Variants in TMEM117 observed in about 807,000 individuals in gnomAD.
The protein encoded by TMEM117 is transmembrane protein 117.
Under a neutral mutation model 52.4 loss-of-function variants are expected in TMEM117, and 27 were observed. The observed-to-expected ratio is 0.51, with a 90% CI of 0.38 to 0.71. The LOEUF (loss-of-function observed/expected upper bound fraction) is 0.71, where lower values mean the gene tolerates loss of function less well. TMEM117 is among the 30% of genes least tolerant of loss of function. TMEM117 has a pLI of 0.00. For synonymous variants in TMEM117, 215 were observed against 206.3 expected (o/e 1.04, Z -0.36); for missense variants, 556 against 630.5 (o/e 0.88, Z 1.26).
At chr12:44,241,513 C>A (rs904842537) in intron 5 of TMEM117, among the ~76,000 whole-genome samples, 1 of 151,824 alleles carries the variant, frequency 6.6e-6, no homozygotes, top group African/African-American at 2.4e-5. Flanking sequence ...TTTATTTTTA[C>A]GTGATCAAAT....
downstream of TMEM117, among the ~76,000 whole-genome samples, chr12:44,391,509 A>G (rs949271340): frequency 6.6e-6 from 1 of 152,084 alleles, no homozygotes; most frequent in African/African-American, 2.4e-5. Flanking sequence ...ATGTCCAAAA[A>G]CACTGCACCA....
the TMEM117 span, among the ~76,000 whole-genome samples, chr12:43,827,243 C>T: frequency 6.6e-6 from 1 of 151,990 alleles, no homozygotes; most frequent in Non-Finnish European, 1.5e-5. Context: ...TTCTTAATAG[C>T]ACGTCTCACA....
intron 5 of TMEM117, among the ~76,000 whole-genome samples, chr12:44,229,301 T>A (rs1360025303): frequency 3.9e-5 from 6 of 152,120 alleles, no homozygotes; most frequent in African/African-American, 1.4e-4. Flanking sequence ...TCAAGGTTTC[T>A]GGTCCCAGCA....
At chr12:44,345,323 A>G (rs554349405) in intron 6 of TMEM117, among the ~76,000 whole-genome samples, 2 of 152,170 alleles carry the variant, frequency 1.3e-5, no homozygotes, top group South Asian at 4.1e-4. Context: ...TTCAGGGCAT[A>G]TTCCCCTCAG....
chr12:43,905,450 T>C (rs544648985), intron 2 of TMEM117, among the ~76,000 whole-genome samples: 1 of 152,358 alleles, frequency 6.6e-6, no homozygotes, highest in East Asian at 1.9e-4. Context: ...ACACCGTGGC[T>C]GAAGACATTC....
chr12:44,289,550 C>CT (rs60675070), intron 5 of TMEM117, among the ~76,000 whole-genome samples: 10,874 of 121,930 alleles, frequency 0.089, 1,072 homozygotes, highest in African/African-American at 0.21. Context: ...TTTCTTTTCT[C>CT]TTTTTTTTTT....
At position 43,944,299 on chromosome 12, in the gene TMEM117, T is replaced by C. The variant is rs1387364008; in HGVS notation, c.367T>C (p.Ser123Pro). Residue 123 changes from serine (S) to proline (P), a missense_variant, in exon 3 of 8, where the codon TCT becomes CCT. Physicochemically the swap from Ser to Pro is moderately conservative, Grantham distance 74. Transcript: ENST00000266534. ...CACAATTCTCTTTCTCTTCATATTTTCTCACATATACAACACGATTCTTCT... is the reference window on the plus strand; with the variant it reads ...CACAATTCTCTTTCTCTTCATATTTCCTCACATATACAACACGATTCTTCT... Reference protein sequence around the residue: ...FSTILFLFIFSHIYNTILLMD... With the variant: ...FSTILFLFIFPHIYNTILLMD... 6.2e-6 allele frequency: 10 copies of C among 1,613,064 alleles called. No individual in the cohort carries two copies. Among genetic ancestry groups the C allele is most frequent in the African/African-American group, 1.3e-5 (1 of 74,910 alleles).
At chr12:44,225,786 C>T (rs1949852747) in intron 5 of TMEM117, among the ~76,000 whole-genome samples, 1 of 152,076 alleles carries the variant, frequency 6.6e-6, no homozygotes, top group Non-Finnish European at 1.5e-5. Flanking sequence ...ATTTTCTGCA[C>T]TATGGAAGTA....
chr12:43,866,990 T>A (rs1445668515), intron 2 of TMEM117, among the ~76,000 whole-genome samples: 3 of 151,834 alleles, frequency 2.0e-5, no homozygotes, highest in Non-Finnish European at 4.4e-5. Context: ...CTTGGGAGGT[T>A]GAAGCAGGAG....
intron 4 of TMEM117, among the ~76,000 whole-genome samples, chr12:44,192,012 C>T (rs531821197): frequency 2.0e-5 from 3 of 152,222 alleles, no homozygotes; most frequent in African/African-American, 7.2e-5. Context: ...AGACCAGAGT[C>T]AGCTTTAAGC....
At chr12:44,327,438 G>A (rs935152184) in intron 6 of TMEM117, among the ~76,000 whole-genome samples, 1 of 152,148 alleles carries the variant, frequency 6.6e-6, no homozygotes, top group African/African-American at 2.4e-5. Context: ...AGATGTTTAT[G>A]ATTCCATTGA....
intron 3 of TMEM117, among the ~76,000 whole-genome samples, chr12:44,016,882 G>A (rs770473997): frequency 2.0e-5 from 3 of 152,194 alleles, no homozygotes; most frequent in African/African-American, 2.4e-5. Flanking sequence ...ACTCAGAAAA[G>A]TGCATTTTAA....
intron 4 of TMEM117, among the ~76,000 whole-genome samples, chr12:44,180,632 C>A (rs1485542289): frequency 6.6e-6 from 1 of 151,342 alleles, no homozygotes; most frequent in Non-Finnish European, 1.5e-5. Flanking sequence ...TGATAGTTTA[C>A]TGAGAATGAT....
At chr12:44,156,418 A>G (rs1167122614) in intron 4 of TMEM117, among the ~76,000 whole-genome samples, 1 of 152,034 alleles carries the variant, frequency 6.6e-6, no homozygotes, top group African/African-American at 2.4e-5. Flanking sequence ...TTTTTACCTG[A>G]ATTTCATAAG....
chr12:44,053,182 A>G (rs866839), intron 3 of TMEM117, among the ~76,000 whole-genome samples: 105,411 of 152,088 alleles, frequency 0.69, 38,645 homozygotes, highest in African/African-American at 0.92. Flanking sequence ...TGGACATCCT[A>G]GGTCCCCATG....
intron 3 of TMEM117, among the ~76,000 whole-genome samples, chr12:44,055,932 T>C (rs550090519): frequency 6.6e-6 from 1 of 152,302 alleles, no homozygotes; most frequent in African/African-American, 2.4e-5. Context: ...TCAGCTTGTT[T>C]TCAGCTTTTT....
chr12:44,125,402 C>T (rs532846738), intron 3 of TMEM117, among the ~76,000 whole-genome samples: 16 of 152,140 alleles, frequency 1.1e-4, no homozygotes, highest in South Asian at 2.1e-4. Flanking sequence ...CCACTGCGCC[C>T]GGCCTGGGAT....
chr12:43,822,950 T>C, the TMEM117 span, among the ~76,000 whole-genome samples: 2 of 151,978 alleles, frequency 1.3e-5, no homozygotes, highest in Non-Finnish European at 2.9e-5. Flanking sequence ...CCTTTTTCTC[T>C]CTTTAATAGA....
intron 3 of TMEM117, among the ~76,000 whole-genome samples, chr12:43,964,281 A>C (rs1001188506): frequency 6.6e-6 from 1 of 152,162 alleles, no homozygotes; most frequent in Non-Finnish European, 1.5e-5. Context: ...GCTCCACCCA[A>C]GCACAAGGGC....
Sources: gnomAD v4.1 joint callset for allele counts (sites outside exome capture counted in the v4.1 genomes callset) on GRCh38, gnomAD v4.1.1 for gene constraint, MANE v1.5 for transcripts, NCBI Gene and HGNC (gene_info 2026-07-23, HGNC 2026-07-21) for gene names.